Variants in RYK observed in about 807,000 individuals in gnomAD.
RYK encodes the protein inactive tyrosine-protein kinase RYK.
A neutral mutation model predicts 70.2 loss-of-function variants in RYK; 21 were observed. That is an observed-to-expected ratio of 0.30 (90% CI 0.21 to 0.43). The LOEUF is 0.43. Among genes scored for constraint, RYK ranks in the 20% least tolerant of loss-of-function variants. RYK has a pLI of 1.00. For missense variants in RYK, 604 were observed against 753.3 expected (o/e 0.80, Z 2.32); for synonymous variants, 267 against 278.0 (o/e 0.96, Z 0.39).
chr3:134,243,090 G>A (rs913615455), intron 1 of RYK, among the ~76,000 whole-genome samples: 5 of 152,118 alleles, frequency 3.3e-5, no homozygotes, highest in African/African-American at 1.2e-4. Context: ...CACCAAGCAT[G>A]GGCTCTGAGA....
At chr3:134,177,105 C>T (rs558387128) in intron 11 of RYK, among the ~76,000 whole-genome samples, 3 of 151,916 alleles carry the variant, frequency 2.0e-5, no homozygotes, top group Non-Finnish European at 2.9e-5. Context: ...ACCCAAAGTA[C>T]GAGCTCCTAG....
In RYK at chr3:134,211,615, A is replaced by G; in HGVS notation, c.355-8T>C. ...TCCCAGCTTATATTCAACCTGTAAA[A>G]TAGACAAAAATAAACAAAATGGACC... On this transcript the variant is annotated splice_polypyrimidine_tract_variant and splice_region_variant and intron_variant, in intron 2 of 14. Coordinates refer to ENST00000623711, the MANE Select transcript of RYK (RefSeq NM_002958.4). The G allele has an allele frequency of 6.3e-7, 1 of 1,594,658 alleles. No homozygotes were observed.
At chr3:134,249,594 C>G (rs1400028933) in intron 1 of RYK, among the ~76,000 whole-genome samples, 3 of 152,116 alleles carry the variant, frequency 2.0e-5, no homozygotes, top group African/African-American at 7.2e-5. Flanking sequence ...ACATAAGACC[C>G]CAGCAATTTT....
chr3:134,205,995 T>C (rs1381934084), intron 5 of RYK, among the ~76,000 whole-genome samples: 1 of 152,144 alleles, frequency 6.6e-6, no homozygotes, highest in Non-Finnish European at 1.5e-5. Flanking sequence ...GCCAAGAATA[T>C]GCAGTACTGC....
intron 5 of RYK, among the ~76,000 whole-genome samples, chr3:134,205,208 A>T (rs569128720): frequency 1.3e-5 from 2 of 152,232 alleles, no homozygotes; most frequent in Admixed American, 1.3e-4. Context: ...TAGGTACCTC[A>T]TATCTCCATG....
chr3:134,165,176 CTTTAT>C (rs2012618104), intron 13 of RYK, among the ~76,000 whole-genome samples: 1 of 152,060 alleles, frequency 6.6e-6, no homozygotes, highest in Non-Finnish European at 1.5e-5. Context: ...TTTTTTAAAA[CTTTAT>C]TTTTCATTGT....
At chr3:134,187,747 G>A (rs991134199) in intron 9 of RYK, among the ~76,000 whole-genome samples, 3 of 145,342 alleles carry the variant, frequency 2.1e-5, no homozygotes, top group Non-Finnish European at 3.0e-5. Context: ...TTGTAGAGAC[G>A]GGGGGTCTTG....
At chr3:134,221,829 A>C (rs1285113930) in intron 2 of RYK, among the ~76,000 whole-genome samples, 1 of 152,206 alleles carries the variant, frequency 6.6e-6, no homozygotes, top group East Asian at 1.9e-4. Flanking sequence ...TCTTTGACTT[A>C]GGAGAAAACT....
chr3:134,241,694 T>C (rs1000872682), intron 1 of RYK, among the ~76,000 whole-genome samples: 12 of 152,154 alleles, frequency 7.9e-5, no homozygotes, highest in Admixed American at 6.5e-4. Context: ...GGTTAAAGAC[T>C]AAGTCAACTG....
At chr3:134,229,759 C>A (rs1202964353) in intron 1 of RYK, among the ~76,000 whole-genome samples, 1 of 151,876 alleles carries the variant, frequency 6.6e-6, no homozygotes, top group Non-Finnish European at 1.5e-5. Context: ...CAAAAGATGT[C>A]AGCAGACATT....
At position 134,238,849 on chromosome 3, in the gene RYK, G is replaced by A. The variant is rs554485809; in HGVS notation, c.232+11574C>T. Among the ~76,000 whole-genome samples, 4 of 152,300 alleles carry A rather than the reference G, an allele frequency of 2.6e-5. No individual in the cohort carries two copies. In the East Asian group the frequency reaches 7.7e-4, roughly 29 times the overall value. ...GATGGAAAATAGACTGGATAGGACA[G>A]CAGGTTATGCATTTTGGGGAAAAAA... On this transcript the variant is annotated intron_variant, in intron 1 of 14. Transcript: ENST00000623711.
chr3:134,222,236 T>G (rs2014762253), intron 2 of RYK, among the ~76,000 whole-genome samples, 182 bp downstream of exon 2: 2 of 152,200 alleles, frequency 1.3e-5, no homozygotes, highest in Admixed American at 1.3e-4. Context: ...TTTTAAAGGA[T>G]TCAAGAAATT....
intron 2 of RYK, among the ~76,000 whole-genome samples, chr3:134,219,769 T>C (rs1367338752): frequency 3.3e-5 from 5 of 152,198 alleles, no homozygotes; most frequent in African/African-American, 1.2e-4. Context: ...AACAGCCTTA[T>C]TGAATGGTTA....
At chr3:134,214,012 G>T (rs927066577) in intron 2 of RYK, among the ~76,000 whole-genome samples, 9 of 151,942 alleles carry the variant, frequency 5.9e-5, no homozygotes, top group Non-Finnish European at 1.2e-4. Context: ...TCACCATGTT[G>T]GCCAGGATGG....
intron 1 of RYK, among the ~76,000 whole-genome samples, chr3:134,235,416 A>G (rs2015176946): frequency 1.3e-5 from 2 of 152,096 alleles, no homozygotes; most frequent in African/African-American, 4.8e-5. Flanking sequence ...TATTTTCCAA[A>G]TAGTCTATAA....
intron 6 of RYK, among the ~76,000 whole-genome samples, chr3:134,198,366 CA>C (rs952387167): frequency 1.2e-4 from 18 of 152,330 alleles, no homozygotes; most frequent in Admixed American, 9.1e-4. Context: ...ATTCATTCCA[CA>C]AATATTTATT....
chr3:134,171,396 C>A (rs1000134822), intron 13 of RYK, among the ~76,000 whole-genome samples: 2 of 152,208 alleles, frequency 1.3e-5, no homozygotes, highest in African/African-American at 4.8e-5. Flanking sequence ...GCTCTTGGAG[C>A]ATCTTGCTTG....
intron 1 of RYK, among the ~76,000 whole-genome samples, chr3:134,233,787 C>T (rs929145046): frequency 1.3e-5 from 2 of 152,038 alleles, no homozygotes; most frequent in African/African-American, 4.8e-5. Flanking sequence ...ACTATGAAGC[C>T]ATGAACAAAA....
At chr3:134,241,101 G>T (rs757781616) in intron 1 of RYK, among the ~76,000 whole-genome samples, 1 of 146,304 alleles carries the variant, frequency 6.8e-6, no homozygotes, top group Non-Finnish European at 1.5e-5. Flanking sequence ...CAGGGTTGGT[G>T]GGGGAGGGAA....
Sources: allele counts gnomAD v4.1 joint callset (sites outside exome capture counted in the v4.1 genomes callset), GRCh38; gene constraint gnomAD v4.1.1; transcripts MANE v1.5; gene names NCBI Gene and HGNC (gene_info 2026-07-23, HGNC 2026-07-21).